Variants in PRKG2 observed in about 807,000 individuals in gnomAD.
PRKG2 encodes the protein protein kinase cGMP-dependent 2.
In PRKG2, 33 loss-of-function variants were observed where a neutral mutation model predicts 97.2. The observed-to-expected ratio is 0.34, with a 90% CI of 0.26 to 0.45. The LOEUF is 0.45. Among genes scored for constraint, PRKG2 ranks in the 20% least tolerant of loss-of-function variants. The probability of loss-of-function intolerance (pLI) is 1.00; values close to 1 mark genes in which losing one functional copy is unlikely to be tolerated. For missense variants in PRKG2, 638 were observed against 900.0 expected, an observed-to-expected ratio of 0.71 and a Z score of 3.73; for synonymous variants, 330 against 321.8, an observed-to-expected ratio of 1.03 and a Z score of -0.27.
At chr4:81,214,162 A>G (rs1754152623) in intron 1 of PRKG2, among the ~76,000 whole-genome samples, 1 of 151,290 alleles carries the variant, frequency 6.6e-6, no homozygotes, top group African/African-American at 2.4e-5. Flanking sequence ...TTAAAAAAAA[A>G]AAAAAAAAGA....
intron 18 of PRKG2, among the ~76,000 whole-genome samples, chr4:81,090,833 G>T (rs977750810): frequency 6.6e-6 from 1 of 151,916 alleles, no homozygotes; most frequent in Admixed American, 6.6e-5. Flanking sequence ...ATTTTAAAAA[G>T]GAATAGAATT....
At chr4:81,189,063 T>TAAAAAAAAA (rs1401411435) in intron 2 of PRKG2, among the ~76,000 whole-genome samples, 4 of 6,406 alleles carry the variant, frequency 6.2e-4, no homozygotes, top group Non-Finnish European at 1.1e-3. Flanking sequence ...TTAAAAAAAA[T>TAAAAAAAAA]AATAAAAAAA....
chr4:81,093,119 TC>T (rs1216904084), intron 17 of PRKG2, among the ~76,000 whole-genome samples: 74 of 152,160 alleles, frequency 4.9e-4, no homozygotes, highest in African/African-American at 1.7e-3. Context: ...CCACCATCCT[TC>T]CATTACCTTA....
At chr4:81,135,485 T>C (rs1259941196) in intron 13 of PRKG2, among the ~76,000 whole-genome samples, 189 bp from the exon 14 acceptor site, 1 of 152,188 alleles carries the variant, frequency 6.6e-6, no homozygotes, top group Non-Finnish European at 1.5e-5. Flanking sequence ...TTCAGGGAGA[T>C]ATGTGATACA....
At chr4:81,144,558 G>A (rs1747622959) in intron 9 of PRKG2, among the ~76,000 whole-genome samples, 1 of 150,520 alleles carries the variant, frequency 6.6e-6, no homozygotes, top group Non-Finnish European at 1.5e-5. Flanking sequence ...ATGAGAACAG[G>A]AAACTTTTTT....
intron 2 of PRKG2, among the ~76,000 whole-genome samples, chr4:81,194,354 A>T (rs1037386980): frequency 6.6e-6 from 1 of 152,040 alleles, no homozygotes; most frequent in African/African-American, 2.4e-5. Context: ...CAGGATACGC[A>T]TCTCTATTTT....
intron 2 of PRKG2, among the ~76,000 whole-genome samples, chr4:81,179,894 C>A (rs376837764): frequency 6.6e-6 from 1 of 152,084 alleles, no homozygotes; most frequent in Non-Finnish European, 1.5e-5. Context: ...GTAATCCCAG[C>A]ACTTTAGGAG....
intron 16 of PRKG2, among the ~76,000 whole-genome samples, chr4:81,104,706 G>T (rs1200617395): frequency 5.3e-5 from 8 of 151,954 alleles, no homozygotes; most frequent in Non-Finnish European, 1.2e-4. Context: ...ATACTTTAAA[G>T]AACAAGCAGG....
intron 2 of PRKG2, among the ~76,000 whole-genome samples, chr4:81,190,022 A>T (rs1752340693): frequency 6.6e-6 from 1 of 152,208 alleles, no homozygotes; most frequent in South Asian, 2.1e-4. Context: ...TTATAGATTC[A>T]ATGCTATCCC....
Position 81,089,697 on chromosome 4 carries a change from C to G in PRKG2, c.*11G>C, listed in dbSNP as rs1741358478. 6.3e-7 allele frequency: 1 copy of G among 1,577,432 alleles called. No individual in the cohort carries two copies. On this transcript the variant is annotated 3_prime_UTR_variant, in exon 19 of 19. Transcript: ENST00000264399. ...TCTGTAGAGTACAGGCAGTAATCAACTTTTCTTCTGTCAGAAGTCTTTATC... is the reference window on the plus strand; with the variant it reads ...TCTGTAGAGTACAGGCAGTAATCAAGTTTTCTTCTGTCAGAAGTCTTTATC...
At chr4:81,114,267 A>T (rs1245950680) in intron 14 of PRKG2, among the ~76,000 whole-genome samples, 1 of 151,968 alleles carries the variant, frequency 6.6e-6, no homozygotes, top group Admixed American at 6.6e-5. Flanking sequence ...AATGTATCCT[A>T]TACATTTTGT....
chr4:81,115,013 C>G (rs1744370504), intron 14 of PRKG2, among the ~76,000 whole-genome samples: 1 of 152,118 alleles, frequency 6.6e-6, no homozygotes, highest in Non-Finnish European at 1.5e-5. Flanking sequence ...ATTGGATTAA[C>G]ATAGCATGAA....
At position 81,117,541 on chromosome 4, in the gene PRKG2, T is replaced by C. The variant is rs532052194; in HGVS notation, c.1777-6930A>G. 1.4e-4 allele frequency among the ~76,000 whole-genome samples: 21 copies of C among 152,272 alleles called. No individual in the cohort carries two copies. In the East Asian group the frequency reaches 4.1e-3, roughly 29 times the overall value. ...TAGGTTAATAAAATTTTTTTCTTAT[T>C]AATACACTAAGATAAAATATCTTAG... On this transcript the variant is annotated intron_variant, in intron 14 of 18. Coordinates refer to ENST00000264399, the MANE Select transcript of PRKG2 (RefSeq NM_006259.3).
At chr4:81,209,729 T>C (rs1359959544) in intron 1 of PRKG2, among the ~76,000 whole-genome samples, 1 of 152,160 alleles carries the variant, frequency 6.6e-6, no homozygotes, top group Non-Finnish European at 1.5e-5. Context: ...CAAGAGAATT[T>C]ATCTTAGAGG....
At chr4:81,097,602 T>C (rs754529841) in intron 17 of PRKG2, among the ~76,000 whole-genome samples, 1 of 152,200 alleles carries the variant, frequency 6.6e-6, no homozygotes, top group Non-Finnish European at 1.5e-5. Context: ...CTTCTTTCAA[T>C]GTAAGGCAAT....
intron 13 of PRKG2, 105 bp downstream of exon 13, chr4:81,137,288 G>T: frequency 1.2e-6 from 1 of 850,012 alleles, no homozygotes; most frequent in Non-Finnish European, 1.9e-6. Flanking sequence ...TTTTATCAAG[G>T]GATATTTTGT....
chr4:81,203,541 T>C (rs1235493453), intron 2 of PRKG2, among the ~76,000 whole-genome samples: 5 of 152,212 alleles, frequency 3.3e-5, no homozygotes, highest in Non-Finnish European at 7.3e-5. Flanking sequence ...ATCTTGCATT[T>C]TGCAATAGAG....
chr4:81,096,468 C>T (rs997866371), intron 17 of PRKG2, among the ~76,000 whole-genome samples: 4 of 152,090 alleles, frequency 2.6e-5, no homozygotes, highest in African/African-American at 9.7e-5. Flanking sequence ...CCCAGGAATT[C>T]AAGGCTGCAG....
upstream of PRKG2, among the ~76,000 whole-genome samples, chr4:81,215,279 A>G (rs1227523418): frequency 6.6e-6 from 1 of 152,194 alleles, no homozygotes; most frequent in East Asian, 1.9e-4. Flanking sequence ...GGAGGGGGTC[A>G]GCCGGGGCTA....
Sources: allele counts gnomAD v4.1 joint callset (sites outside exome capture counted in the v4.1 genomes callset), GRCh38; gene constraint gnomAD v4.1.1; transcripts MANE v1.5; gene names NCBI Gene and HGNC (gene_info 2026-07-23, HGNC 2026-07-21).